Variants in CMTM8 observed in about 807,000 individuals in gnomAD.
CMTM8 encodes the protein CKLF-like MARVEL transmembrane domain-containing protein 8.
Under a neutral mutation model 18.6 loss-of-function variants are expected in CMTM8, and 12 were observed. The ratio of observed to expected loss-of-function variants is 0.65; its 90% CI spans 0.41 to 1.05. The LOEUF (loss-of-function observed/expected upper bound fraction) is 1.05, where lower values mean the gene tolerates loss of function less well. CMTM8 is among the 50% of genes least tolerant of loss of function. The pLI, the probability that CMTM8 is intolerant of heterozygous loss-of-function variation, is 0.00. For synonymous variants in CMTM8, 87 were observed against 90.6 expected, an observed-to-expected ratio of 0.96 and a Z score of 0.23; for missense variants, 217 against 227.2, an observed-to-expected ratio of 0.95 and a Z score of 0.29.
At chr3:32,349,574 A>G (rs1696664580) in intron 1 of CMTM8, among the ~76,000 whole-genome samples, 1 of 152,180 alleles carries the variant, frequency 6.6e-6, no homozygotes, top group Non-Finnish European at 1.5e-5. Flanking sequence ...AACAATTGGC[A>G]ATATCCAGAG....
intron 1 of CMTM8, among the ~76,000 whole-genome samples, chr3:32,245,160 C>T (rs1415855014): frequency 6.6e-6 from 1 of 152,176 alleles, no homozygotes; most frequent in African/African-American, 2.4e-5. Flanking sequence ...TTTGCAATCC[C>T]ATTCCTGAGA....
At chr3:32,362,002 T>C (rs6790376) in intron 2 of CMTM8, among the ~76,000 whole-genome samples, 77,048 of 149,966 alleles carry the variant, frequency 0.51, 19,942 homozygotes, top group Admixed American at 0.53. Flanking sequence ...AGAGCAGAGA[T>C]GTTTGTCTCC....
chr3:32,342,407 A>G (rs1036464423), intron 1 of CMTM8, among the ~76,000 whole-genome samples: 6 of 152,222 alleles, frequency 3.9e-5, no homozygotes, highest in African/African-American at 2.4e-5. Context: ...AATAGATGAA[A>G]GCAATTTGCC....
chr3:32,289,862 G>C (rs892133840), intron 1 of CMTM8, among the ~76,000 whole-genome samples: 10 of 152,196 alleles, frequency 6.6e-5, no homozygotes, highest in Non-Finnish European at 1.3e-4. Flanking sequence ...CAGTCATGAT[G>C]GTGCACACCT....
intron 1 of CMTM8, 82 bp from the exon 2 acceptor site, chr3:32,357,291 T>A (rs1192322910): frequency 2.9e-6 from 3 of 1,026,666 alleles, no homozygotes; most frequent in Middle Eastern, 3.3e-4. Context: ...TATAATTATT[T>A]TTTTTTCTTT....
chr3:32,289,081 A>C (rs1702736356), intron 1 of CMTM8, among the ~76,000 whole-genome samples: 1 of 152,204 alleles, frequency 6.6e-6, no homozygotes, highest in Non-Finnish European at 1.5e-5. Context: ...GCACGTTATA[A>C]GGCAACAGGG....
chr3:32,303,409 T>C (rs1695660729), intron 1 of CMTM8, among the ~76,000 whole-genome samples: 1 of 152,260 alleles, frequency 6.6e-6, no homozygotes, highest in African/African-American at 2.4e-5. Context: ...CAGCTCGTTC[T>C]TAATGTGGTG....
chr3:32,294,450 T>G (rs1702840095), intron 1 of CMTM8, among the ~76,000 whole-genome samples: 1 of 152,194 alleles, frequency 6.6e-6, no homozygotes. Flanking sequence ...CTGCCTTGTG[T>G]GGCTGCCAGT....
At chr3:32,341,188 ACAGTGGTGGG>A (rs1696484418) in intron 1 of CMTM8, among the ~76,000 whole-genome samples, 1 of 152,230 alleles carries the variant, frequency 6.6e-6, no homozygotes, top group South Asian at 2.1e-4. Context: ...TAGTGGCCCA[ACAGTGGTGGG>A]CAGCTGCCGG....
At chr3:32,314,872 C>G (rs1021346964) in intron 1 of CMTM8, among the ~76,000 whole-genome samples, 10 of 151,998 alleles carry the variant, frequency 6.6e-5, no homozygotes, top group African/African-American at 1.9e-4. Flanking sequence ...GGGGGTCCAA[C>G]TGAGGCCTTG....
intron 1 of CMTM8, among the ~76,000 whole-genome samples, chr3:32,253,544 G>A (rs1702141098): frequency 6.6e-6 from 1 of 151,552 alleles, no homozygotes; most frequent in South Asian, 2.1e-4. Context: ...GTAGCGACAG[G>A]GTTTCACCAT....
At chr3:32,315,536 C>T (rs1450341251) in intron 1 of CMTM8, among the ~76,000 whole-genome samples, 2 of 152,184 alleles carry the variant, frequency 1.3e-5, no homozygotes, top group Admixed American at 6.5e-5. Context: ...GCCAGGTGCT[C>T]AGCGAAGGCA....
intron 1 of CMTM8, among the ~76,000 whole-genome samples, chr3:32,251,624 C>T (rs764512191): frequency 5.9e-5 from 9 of 151,864 alleles, no homozygotes; most frequent in Non-Finnish European, 8.8e-5. Context: ...ACATCTGTTA[C>T]TTTTTATTAT....
At chr3:32,267,074 T>C (rs1702358154) in intron 1 of CMTM8, among the ~76,000 whole-genome samples, 1 of 152,162 alleles carries the variant, frequency 6.6e-6, no homozygotes, top group Non-Finnish European at 1.5e-5. Flanking sequence ...TACCAATGAC[T>C]TTCTTCACAG....
intron 1 of CMTM8, among the ~76,000 whole-genome samples, chr3:32,296,255 G>A (rs989068886): frequency 1.2e-4 from 19 of 152,096 alleles, no homozygotes; most frequent in African/African-American, 4.1e-4. Context: ...TTACAGGCAT[G>A]AGCTACCACA....
chr3:32,246,995 G>A (rs1702023543), intron 1 of CMTM8, among the ~76,000 whole-genome samples: 1 of 152,090 alleles, frequency 6.6e-6, no homozygotes, highest in African/African-American at 2.4e-5. Flanking sequence ...CAGCTACTCT[G>A]GAGACTGAGG....
intron 1 of CMTM8, among the ~76,000 whole-genome samples, chr3:32,245,305 T>G (rs1701994775): frequency 6.6e-6 from 1 of 152,222 alleles, no homozygotes; most frequent in Admixed American, 6.6e-5. Context: ...CAAAGCAGTG[T>G]TTTTTCAAAT....
intron 2 of CMTM8, among the ~76,000 whole-genome samples, chr3:32,363,840 G>A (rs867896066): frequency 6.6e-6 from 1 of 152,188 alleles, no homozygotes; most frequent in South Asian, 2.1e-4. Context: ...AGATAGTGCT[G>A]ATACCACTCC....
Position 32,358,030 on chromosome 3 carries a change from G to A in CMTM8, c.321+484G>A, listed in dbSNP as rs145384919. Among the ~76,000 whole-genome samples, 397 of 152,316 alleles carry A rather than the reference G, an allele frequency of 2.6e-3. 6 individuals are homozygous for A. Among genetic ancestry groups the A allele is most frequent in the African/African-American group, 9.0e-3 (373 of 41,574 alleles). On this transcript the variant is annotated intron_variant, in intron 2 of 3. Transcript: ENST00000307526. This position sits in a 1 kb window ranked among gnomAD's most constrained non-coding sequence, Gnocchi z 4.1. Reference sequence around the variant, plus strand: ...TGAAAATTGCTATTAGAAAACATAGGTGTTCTTATATATTTGAAAAGGAGA... The same window carrying A: ...TGAAAATTGCTATTAGAAAACATAGATGTTCTTATATATTTGAAAAGGAGA...
Sources: gnomAD v4.1 joint callset for allele counts (sites outside exome capture counted in the v4.1 genomes callset) on GRCh38, gnomAD v4.1.1 for gene constraint, Gnocchi (gnomAD v3.1) non-coding constraint, MANE v1.5 for transcripts, NCBI Gene and HGNC (gene_info 2026-07-23, HGNC 2026-07-21) for gene names.